The following TANGO6 variants were observed in gnomAD, a reference collection of about 807,000 sequenced individuals.
The protein encoded by TANGO6 is transport and Golgi organization protein 6 homolog.
In TANGO6, 90 loss-of-function variants were observed where a neutral mutation model predicts 114.2. The observed-to-expected ratio is 0.79, with a 90% CI of 0.66 to 0.94. The LOEUF is 0.94. Among genes scored for constraint, TANGO6 ranks in the 40% least tolerant of loss-of-function variants. TANGO6 has a pLI of 0.00. For synonymous variants in TANGO6, 477 were observed against 509.8 expected, an observed-to-expected ratio of 0.94 and a Z score of 0.87; for missense variants, 1,274 against 1,315.3, an observed-to-expected ratio of 0.97 and a Z score of 0.49.
chr16:68,918,464 A>G (rs530327132), intron 11 of TANGO6, among the ~76,000 whole-genome samples: 7 of 152,240 alleles, frequency 4.6e-5, no homozygotes, highest in African/African-American at 1.4e-4. Context: ...TTTTCATGTT[A>G]TCTTCGAGGA....
chr16:68,883,571 T>C (rs1962494687), intron 7 of TANGO6, among the ~76,000 whole-genome samples: 1 of 152,244 alleles, frequency 6.6e-6, no homozygotes, highest in Non-Finnish European at 1.5e-5. Flanking sequence ...GTTTCCATAA[T>C]AGCCATAATA....
At chr16:68,984,159 T>A (rs1303553475) in intron 15 of TANGO6, among the ~76,000 whole-genome samples, 1 of 152,074 alleles carries the variant, frequency 6.6e-6, no homozygotes, top group Non-Finnish European at 1.5e-5. Context: ...TGGATACCAG[T>A]CTGGGAGTTT....
chr16:69,005,490 G>A (rs1160316164), intron 15 of TANGO6, among the ~76,000 whole-genome samples: 2 of 151,934 alleles, frequency 1.3e-5, no homozygotes, highest in African/African-American at 4.8e-5. Flanking sequence ...ATCCAAAATC[G>A]AAATTTAACA....
At chr16:68,946,251 GCACGAT>G (rs1249980130) in intron 14 of TANGO6, among the ~76,000 whole-genome samples, 1 of 151,364 alleles carries the variant, frequency 6.6e-6, no homozygotes, top group Non-Finnish European at 1.5e-5. Context: ...GAGTGCAGTG[GCACGAT>G]CTCGGCTCAC....
chr16:68,971,323 T>G (rs1360335719), intron 14 of TANGO6, among the ~76,000 whole-genome samples: 1 of 152,062 alleles, frequency 6.6e-6, no homozygotes, highest in Non-Finnish European at 1.5e-5. Context: ...CCAGCTGGAG[T>G]GCAATGCTGC....
chr16:68,930,690 C>T (rs1567542710), intron 14 of TANGO6, among the ~76,000 whole-genome samples: 2 of 145,038 alleles, frequency 1.4e-5, no homozygotes, highest in South Asian at 2.2e-4. Flanking sequence ...GGCTGGAGTG[C>T]GGTGGTGTGA....
chr16:68,941,981 G>T (rs1351602810), intron 14 of TANGO6, among the ~76,000 whole-genome samples: 3 of 152,080 alleles, frequency 2.0e-5, no homozygotes, highest in African/African-American at 4.8e-5. Context: ...AGAATTACAG[G>T]TTACTGTAAA....
At chr16:68,860,562 G>T (rs758251020) in intron 2 of TANGO6, 38 bp downstream of exon 2, 26 of 1,598,042 alleles carry the variant, frequency 1.6e-5, no homozygotes, top group Non-Finnish European at 2.2e-5. Flanking sequence ...GAGAGATTGT[G>T]TGTGTATGAA....
Position 68,860,465 on chromosome 16 carries a change from G to T in TANGO6, c.676G>T (p.Gly226Cys). Residue 226 changes from glycine to cysteine, a missense_variant, in exon 2 of 18, where the codon GGT (glycine) becomes TGT (cysteine). Coordinates refer to ENST00000261778, the MANE Select transcript of TANGO6 (RefSeq NM_024562.2). The stretch of plus-strand genomic sequence containing the variant: ...CCACCACTTTGGGGATATCGCAGCA[G>T]GTCTGTGCCAACTGGGATTCTGCCC... ...FCHHFGDIAA[G>C]LCQLGFCPTK... The T allele has an allele frequency of 6.2e-7, 1 of 1,613,972 alleles. No homozygotes were observed.
At chr16:69,070,746 ATATTAT>A (rs145226838) in intron 17 of TANGO6, among the ~76,000 whole-genome samples, 2,633 of 141,642 alleles carry the variant, frequency 0.019, 26 homozygotes, top group Middle Eastern at 0.047. Flanking sequence ...GCAAGAATCA[ATATTAT>A]TATTATTATT....
intron 2 of TANGO6, among the ~76,000 whole-genome samples, chr16:68,862,500 G>A (rs1353702634): frequency 6.6e-6 from 1 of 152,110 alleles, no homozygotes; most frequent in East Asian, 1.9e-4. Context: ...CCTGGCAGGA[G>A]ACAAAACAGT....
chr16:69,042,147 T>G (rs562375897), intron 17 of TANGO6, among the ~76,000 whole-genome samples: 1 of 152,204 alleles, frequency 6.6e-6, no homozygotes, highest in Non-Finnish European at 1.5e-5. Flanking sequence ...ATTGCTACTC[T>G]GAATGAAATT....
At chr16:68,966,668 T>C (rs1009198678) in intron 14 of TANGO6, among the ~76,000 whole-genome samples, 96 of 152,234 alleles carry the variant, frequency 6.3e-4, no homozygotes, top group African/African-American at 2.2e-3. Flanking sequence ...GTGGTGGTGT[T>C]GTGCTAGCTC....
intron 4 of TANGO6, among the ~76,000 whole-genome samples, chr16:68,873,456 G>A (rs763109549): frequency 2.0e-5 from 3 of 152,056 alleles, no homozygotes; most frequent in Non-Finnish European, 4.4e-5. Context: ...TGGGATTACA[G>A]GCGCCCACCA....
intron 11 of TANGO6, among the ~76,000 whole-genome samples, chr16:68,917,727 G>A (rs948603341): frequency 3.3e-5 from 5 of 151,846 alleles, no homozygotes; most frequent in Admixed American, 6.6e-5. Context: ...GTGAGATGTC[G>A]GTTCAGGACT....
intron 11 of TANGO6, among the ~76,000 whole-genome samples, chr16:68,910,505 C>G (rs1008231079): frequency 2.0e-5 from 3 of 152,076 alleles, no homozygotes; most frequent in African/African-American, 7.2e-5. Context: ...GCACTTAGCT[C>G]CCTTTACTCC....
At chr16:68,984,659 CT>C (rs1364893553) in intron 15 of TANGO6, among the ~76,000 whole-genome samples, 1 of 152,024 alleles carries the variant, frequency 6.6e-6, no homozygotes, top group African/African-American at 2.4e-5. Flanking sequence ...GTAGCTAGGA[CT>C]GTAGGCATGC....
chr16:68,985,496 G>T (rs1346604558), intron 15 of TANGO6, among the ~76,000 whole-genome samples: 2 of 152,074 alleles, frequency 1.3e-5, no homozygotes, highest in African/African-American at 4.8e-5. Context: ...GGTCACTTGA[G>T]CCCAGGAGTT....
intron 14 of TANGO6, among the ~76,000 whole-genome samples, chr16:68,943,451 C>T (rs1214110414): frequency 6.6e-6 from 1 of 151,224 alleles, no homozygotes; most frequent in Non-Finnish European, 1.5e-5. Context: ...GCAAGCTCCG[C>T]CTCCTGGGTT....
Sources: allele counts gnomAD v4.1 joint callset (sites outside exome capture counted in the v4.1 genomes callset), GRCh38; gene constraint gnomAD v4.1.1; transcripts MANE v1.5; gene names NCBI Gene and HGNC (gene_info 2026-07-23, HGNC 2026-07-21).